KCNMA1: variants seen among roughly 807,000 people sequenced by gnomAD.
KCNMA1 encodes potassium calcium-activated channel subfamily M alpha 1.
Under a neutral mutation model 140.0 loss-of-function variants are expected in KCNMA1, and 29 were observed. The observed-to-expected ratio is 0.21, with a 90% CI of 0.15 to 0.28. KCNMA1 has a LOEUF of 0.28. Among genes scored for constraint, KCNMA1 ranks in the 10% least tolerant of loss-of-function variants. The probability of loss-of-function intolerance (pLI) is 1.00; values close to 1 mark genes in which losing one functional copy is unlikely to be tolerated. For missense variants in KCNMA1, 880 were observed against 1,602.2 expected (o/e 0.55, Z 7.70); for synonymous variants, 612 against 611.9 (o/e 1.00, Z 0.00).
chr10:77,397,436 G>A (rs1328833822), intron 2 of KCNMA1, among the ~76,000 whole-genome samples: 1 of 152,120 alleles, frequency 6.6e-6, no homozygotes, highest in African/African-American at 2.4e-5. Context: ...GATTAGATCA[G>A]GGTAACAGAA....
chr10:77,445,331 TTC>T (rs140684615), intron 1 of KCNMA1, among the ~76,000 whole-genome samples: 66 of 147,472 alleles, frequency 4.5e-4, no homozygotes, highest in Non-Finnish European at 5.0e-4. Flanking sequence ...ATCGTCCATA[TTC>T]TCTCTCTCTC....
intron 1 of KCNMA1, among the ~76,000 whole-genome samples, chr10:77,488,935 T>TA (rs1465667537): frequency 1.3e-5 from 2 of 152,206 alleles, no homozygotes; most frequent in African/African-American, 4.8e-5. Context: ...ACAGGCCCTT[T>TA]AGCCCAGTGT....
At chr10:76,879,771 A>G (rs1355502265) in intron 29 of KCNMA1, among the ~76,000 whole-genome samples, 3 of 152,378 alleles carry the variant, frequency 2.0e-5, no homozygotes, top group Admixed American at 2.0e-4. Flanking sequence ...TGTGACATAG[A>G]TGAACCATTA....
chr10:77,382,990 G>A lies in KCNMA1; in HGVS notation c.540+20872C>T, dbSNP rs976014328. ...TGTGTGTGTGTGTGTGTGTGTGTGTGTGTGTATATATATATATATATATAT... is the reference window on the plus strand; with the variant it reads ...TGTGTGTGTGTGTGTGTGTGTGTGTATGTGTATATATATATATATATATAT... On this transcript the variant is annotated intron_variant, in intron 2 of 27. Coordinates refer to ENST00000286628, the MANE Select transcript of KCNMA1 (RefSeq NM_001161352.2). Among the ~76,000 whole-genome samples the A allele has an allele frequency of 6.8e-3, 288 of 42,422 alleles. 3 individuals carry two copies. Among genetic ancestry groups the A allele is most frequent in the African/African-American group, 0.05 (275 of 5,530 alleles). The allele number at this position is 42,422 out of a possible 152,430, so 27.8% of individuals were successfully genotyped here.
At chr10:77,070,064 C>T (rs2096133355) in intron 14 of KCNMA1, among the ~76,000 whole-genome samples, 1 of 152,166 alleles carries the variant, frequency 6.6e-6, no homozygotes, top group Admixed American at 6.5e-5. Flanking sequence ...GATCCACCTG[C>T]CTTGGCCTCC....
At chr10:77,404,595 G>T (rs1041802844) in intron 1 of KCNMA1, among the ~76,000 whole-genome samples, 1 of 152,140 alleles carries the variant, frequency 6.6e-6, no homozygotes, top group Admixed American at 6.5e-5. Context: ...AAGAGGAAAC[G>T]CAATCTGTCT....
At chr10:77,344,184 G>A (rs1430830350) in intron 2 of KCNMA1, among the ~76,000 whole-genome samples, 3 of 152,192 alleles carry the variant, frequency 2.0e-5, no homozygotes, top group South Asian at 2.1e-4. Context: ...TAACTGCCTC[G>A]GCCACCAGCC....
downstream of KCNMA1, chr10:76,876,551 T>C (rs752258762): frequency 1.3e-5 from 2 of 152,570 alleles, no homozygotes; most frequent in Non-Finnish European, 2.9e-5. Flanking sequence ...AAAGGCCTTT[T>C]CTAACAGTCT....
chr10:76,974,342 A>G (rs191979167), intron 19 of KCNMA1: 1 of 508,708 alleles, frequency 2.0e-6, no homozygotes, highest in Admixed American at 3.8e-5. Context: ...CCCTTTTGGT[A>G]TTTTGCTGCC....
At chr10:77,027,402 A>C (rs748730553) in intron 16 of KCNMA1, among the ~76,000 whole-genome samples, 1 of 152,184 alleles carries the variant, frequency 6.6e-6, no homozygotes, top group Non-Finnish European at 1.5e-5. Flanking sequence ...TAATTTGGCT[A>C]TCAAGAGAGT....
At chr10:77,542,947 G>C (rs1347125337) in intron 1 of KCNMA1, among the ~76,000 whole-genome samples, 2 of 152,054 alleles carry the variant, frequency 1.3e-5, no homozygotes, top group African/African-American at 4.8e-5. Context: ...AGAGAGTTGG[G>C]GAAACAGATT....
chr10:76,895,763 C>T (rs1471050945), intron 25 of KCNMA1, among the ~76,000 whole-genome samples: 1 of 151,940 alleles, frequency 6.6e-6, no homozygotes, highest in East Asian at 1.9e-4. Flanking sequence ...GGAAAGAGTA[C>T]AAAAGGGAGA....
At chr10:77,611,526 G>C (rs534507342) in intron 1 of KCNMA1, among the ~76,000 whole-genome samples, 3 of 152,316 alleles carry the variant, frequency 2.0e-5, no homozygotes, top group East Asian at 3.9e-4. Flanking sequence ...CCATTGAAGT[G>C]AGCATTTCTG....
At chr10:77,137,845 G>A (rs184519290) in intron 5 of KCNMA1, among the ~76,000 whole-genome samples, 7 of 152,160 alleles carry the variant, frequency 4.6e-5, no homozygotes, top group Admixed American at 2.0e-4. Flanking sequence ...GCAGTGGCAC[G>A]ATCACAGCTC....
At chr10:76,928,473 A>G (rs1159438339) in intron 23 of KCNMA1, among the ~76,000 whole-genome samples, 1 of 152,166 alleles carries the variant, frequency 6.6e-6, no homozygotes, top group Non-Finnish European at 1.5e-5. Flanking sequence ...GTAGAATGGT[A>G]TCTTATTCTT....
intron 10 of KCNMA1, 145 bp from the exon 11 acceptor site, chr10:77,086,738 G>A (rs1595670420): frequency 1.4e-6 from 1 of 693,610 alleles, no homozygotes; most frequent in East Asian, 2.7e-5. Flanking sequence ...ATAAATAAAA[G>A]ACTCACACTC....
chr10:77,481,669 G>A lies in KCNMA1; in HGVS notation c.379-77646C>T, dbSNP rs147648627. Reference sequence around the variant, plus strand: ...AGGCCCCTGTAGTCCCAGCTACTTGGGAGGCTGAGACAGGAGAATGGCGTG... The same window carrying A: ...AGGCCCCTGTAGTCCCAGCTACTTGAGAGGCTGAGACAGGAGAATGGCGTG... On this transcript the variant is annotated intron_variant, in intron 1 of 27. Coordinates refer to ENST00000286628, the MANE Select transcript of KCNMA1 (RefSeq NM_001161352.2). 9.9e-4 allele frequency among the ~76,000 whole-genome samples: 150 copies of A among 151,720 alleles called. 1 individual carries two copies. Among genetic ancestry groups the A allele is most frequent in the Non-Finnish European group, 1.9e-3 (130 of 67,966 alleles).
intron 1 of KCNMA1, among the ~76,000 whole-genome samples, chr10:77,554,597 C>CAAAAAAAAAAAAAAAAAAAAAAAAAAAAA (rs59754706): frequency 2.4e-5 from 2 of 84,094 alleles, no homozygotes; most frequent in Admixed American, 1.4e-4. Flanking sequence ...TACTCCATCT[C>CAAAAAAAAAAAAAAAAAAAAAAAAAAAAA]AAAAAAAAAA....
intron 2 of KCNMA1, among the ~76,000 whole-genome samples, chr10:77,295,821 T>C (rs1419805222): frequency 1.8e-5 from 2 of 111,340 alleles, no homozygotes; most frequent in Non-Finnish European, 3.7e-5. Flanking sequence ...AAAAAAACAG[T>C]TTTCAGCTCT....
Sources: gnomAD v4.1 joint callset for allele counts (sites outside exome capture counted in the v4.1 genomes callset) on GRCh38, gnomAD v4.1.1 for gene constraint, MANE v1.5 for transcripts, NCBI Gene and HGNC (gene_info 2026-07-23, HGNC 2026-07-21) for gene names.